Variants in RASAL2 observed in about 807,000 individuals in gnomAD.
The protein encoded by RASAL2 is RAS protein activator like 2, also known as ras GTPase-activating protein nGAP.
A neutral mutation model predicts 128.9 loss-of-function variants in RASAL2; 58 were observed. That is an observed-to-expected ratio of 0.45 (90% confidence interval 0.36 to 0.56). The LOEUF is 0.56. Among genes scored for constraint, RASAL2 ranks in the 20% least tolerant of loss-of-function variants. The pLI is 0.00. For missense variants in RASAL2, 1,360 were observed against 1,601.6 expected, an observed-to-expected ratio of 0.85 and a Z score of 2.57; for synonymous variants, 561 against 580.8, an observed-to-expected ratio of 0.97 and a Z score of 0.49.
intron 1 of RASAL2, among the ~76,000 whole-genome samples, chr1:178,235,402 T>C (rs1402172757): frequency 6.6e-6 from 1 of 152,174 alleles, no homozygotes; most frequent in Non-Finnish European, 1.5e-5. Context: ...GTCCCTGCAT[T>C]TTACACATAT....
At chr1:178,457,492 G>C (rs907070724) in intron 13 of RASAL2, among the ~76,000 whole-genome samples, 191 bp from the exon 14 acceptor site, 4 of 152,104 alleles carry the variant, frequency 2.6e-5, no homozygotes, top group Non-Finnish European at 5.9e-5. Flanking sequence ...GTACCTTTGG[G>C]GAAAAAGTAA....
At chr1:178,153,825 T>C (rs1660989671) in intron 1 of RASAL2, among the ~76,000 whole-genome samples, 1 of 152,110 alleles carries the variant, frequency 6.6e-6, no homozygotes. Flanking sequence ...GATAATGTAA[T>C]TCTATGATTA....
chr1:178,451,649 T>A lies in RASAL2; in HGVS notation c.1706T>A (p.Ile569Lys). 6.2e-7 allele frequency: 1 copy of A among 1,613,936 alleles called. No homozygotes were observed. The highest frequency in any genetic ancestry group is 8.5e-7 in the Non-Finnish European group (1 of 1,179,822). Residue 569 changes from isoleucine (I) to lysine (K), a missense_variant, in exon 10 of 18, where the codon ATA becomes AAA. Around this residue, in one of 3 missense-constraint regions of RASAL2, gnomAD observed 617 missense variants for 714.2 expected, o/e 0.86. Coordinates refer to ENST00000367649, the MANE Select transcript of RASAL2 (RefSeq NM_170692.4). The stretch of plus-strand genomic sequence containing the variant: ...AGCAAATGTTCATCTAGTGAACTGA[T>A]AGACCATCAGAGCAACCTGAAAATG... Reference protein sequence around the residue: ...DPSKCSSSELIDHQSNLKMCC... With the variant: ...DPSKCSSSELKDHQSNLKMCC...
intron 3 of RASAL2, among the ~76,000 whole-genome samples, chr1:178,304,508 G>A (rs909134468): frequency 6.6e-6 from 1 of 152,198 alleles, no homozygotes; most frequent in African/African-American, 2.4e-5. Flanking sequence ...AGGCGACAGA[G>A]TGAGACCTTG....
intron 4 of RASAL2, among the ~76,000 whole-genome samples, chr1:178,413,404 C>T (rs1357846649): frequency 1.3e-5 from 2 of 152,158 alleles, no homozygotes; most frequent in African/African-American, 4.8e-5. Flanking sequence ...GGGCACTGAG[C>T]AGCACTTATG....
At chr1:178,434,003 G>A (rs999240318) in intron 5 of RASAL2, among the ~76,000 whole-genome samples, 3 of 151,864 alleles carry the variant, frequency 2.0e-5, no homozygotes, top group African/African-American at 7.3e-5. Context: ...GCAATTATGA[G>A]ACTAAAAGTC....
At position 178,163,202 on chromosome 1, in the gene RASAL2, A is replaced by G. The variant is rs11809171; in HGVS notation, c.202+68508A>G. Among the ~76,000 whole-genome samples the G allele has an allele frequency of 5.6e-3, 840 of 151,192 alleles. 11 individuals are homozygous for G. Among genetic ancestry groups the G allele is most frequent in the African/African-American group, 0.019 (788 of 41,190 alleles). On this transcript the variant is annotated intron_variant, in intron 1 of 17. Transcript: ENST00000367649. ...AGGCTAGTCTTGAACTCCTGACCTC[A>G]TTATCTGCCTGCCTCAGCCTCCCAA...
intron 1 of RASAL2, among the ~76,000 whole-genome samples, chr1:178,104,946 CAT>C (rs1191501146): frequency 6.6e-6 from 1 of 152,142 alleles, no homozygotes; most frequent in Non-Finnish European, 1.5e-5. Context: ...TTGATGCAGA[CAT>C]ATGTTTTAGG....
chr1:178,111,433 T>C (rs1314757322), intron 1 of RASAL2, among the ~76,000 whole-genome samples: 1 of 152,202 alleles, frequency 6.6e-6, no homozygotes, highest in African/African-American at 2.4e-5. Flanking sequence ...AAGAAACTGC[T>C]GAATTGTTTT....
intron 1 of RASAL2, among the ~76,000 whole-genome samples, chr1:178,214,814 T>C (rs1663372474): frequency 6.6e-6 from 1 of 152,060 alleles, no homozygotes; most frequent in Admixed American, 6.5e-5. Flanking sequence ...CGCCTCGGCC[T>C]CTGAAAGTGC....
At chr1:178,180,289 A>G (rs1032141456) in intron 1 of RASAL2, among the ~76,000 whole-genome samples, 4 of 152,044 alleles carry the variant, frequency 2.6e-5, no homozygotes, top group African/African-American at 7.2e-5. Context: ...AAGACAATGC[A>G]TTATTAATTT....
intron 1 of RASAL2, among the ~76,000 whole-genome samples, chr1:178,205,944 G>A (rs1243843683): frequency 6.6e-6 from 1 of 152,048 alleles, no homozygotes; most frequent in African/African-American, 2.4e-5. Context: ...CAACATTATT[G>A]ACTTCTATGT....
chr1:178,313,728 G>T (rs185594257), intron 3 of RASAL2, among the ~76,000 whole-genome samples: 1 of 152,008 alleles, frequency 6.6e-6, no homozygotes, highest in Non-Finnish European at 1.5e-5. Context: ...ACGACAGGTG[G>T]GTTTCACACT....
At chr1:178,172,797 T>A (rs1334702508) in intron 1 of RASAL2, among the ~76,000 whole-genome samples, 2 of 152,056 alleles carry the variant, frequency 1.3e-5, no homozygotes, top group Admixed American at 1.3e-4. Context: ...TTAATAAAGG[T>A]ATGTTTCATT....
intron 2 of RASAL2, among the ~76,000 whole-genome samples, chr1:178,289,195 A>G (rs1557879530): frequency 6.6e-6 from 1 of 152,070 alleles, no homozygotes; most frequent in Non-Finnish European, 1.5e-5. Flanking sequence ...CTCAGTTCTC[A>G]TCTTAATCTG....
At chr1:178,400,863 G>A (rs1673579546) in intron 4 of RASAL2, among the ~76,000 whole-genome samples, 1 of 152,116 alleles carries the variant, frequency 6.6e-6, no homozygotes, top group Non-Finnish European at 1.5e-5. Flanking sequence ...TGATTCTCCT[G>A]CCTCAGCTTC....
chr1:178,476,091 G>A lies in RASAL2; in HGVS notation c.*2852G>A, dbSNP rs1180341300. The stretch of plus-strand genomic sequence containing the variant: ...GTTTGCTGGGAGGAGGTACATGGCT[G>A]AAGAGAGGCAAATAGATTAAGATAG... On this transcript the variant is annotated 3_prime_UTR_variant, in exon 18 of 18. Coordinates refer to ENST00000367649, the MANE Select transcript of RASAL2 (RefSeq NM_170692.4). 3 of 152,234 alleles carry A rather than the reference G, an allele frequency of 2.0e-5. No homozygotes were observed. The highest frequency in any genetic ancestry group is 4.4e-5 in the Non-Finnish European group (3 of 68,044). 9.4% of individuals were successfully genotyped at this position (152,234 alleles called of 1,614,324 possible).
At chr1:178,337,282 A>G (rs571443460) in intron 3 of RASAL2, among the ~76,000 whole-genome samples, 23 of 152,326 alleles carry the variant, frequency 1.5e-4, no homozygotes, top group Admixed American at 2.6e-4. Context: ...TCCCTTTATC[A>G]GAGAGCAGAA....
intron 2 of RASAL2, among the ~76,000 whole-genome samples, chr1:178,293,242 T>C (rs933603530): frequency 3.9e-5 from 6 of 152,152 alleles, no homozygotes; most frequent in African/African-American, 1.4e-4. Context: ...ATAACACAAG[T>C]AAATGGATAG....
Sources: allele counts gnomAD v4.1 joint callset (sites outside exome capture counted in the v4.1 genomes callset), GRCh38; gene constraint gnomAD v4.1.1; regional missense constraint gnomAD v4.1.1; transcripts MANE v1.5; gene names NCBI Gene and HGNC (gene_info 2026-07-23, HGNC 2026-07-21).